Variants in UBE3A observed in about 807,000 individuals in gnomAD.
The protein encoded by UBE3A is ubiquitin-protein ligase E3A.
Under a neutral mutation model 83.4 loss-of-function variants are expected in UBE3A, and 6 were observed. The observed-to-expected ratio is 0.07, with a 90% CI of 0.04 to 0.14. The LOEUF (loss-of-function observed/expected upper bound fraction) is 0.14, where lower values mean the gene tolerates loss of function less well. Ranked by LOEUF, UBE3A falls within the 10% of genes least tolerant of loss-of-function variation. The pLI, the probability that UBE3A is intolerant of heterozygous loss-of-function variation, is 1.00. For missense variants in UBE3A, 456 were observed against 1,036.1 expected (o/e 0.44, Z 7.69); for synonymous variants, 337 against 355.4 (o/e 0.95, Z 0.58).
At chr15:25,413,898 A>G (rs530660777) in intron 1 of UBE3A, among the ~76,000 whole-genome samples, 2 of 152,200 alleles carry the variant, frequency 1.3e-5, no homozygotes, top group African/African-American at 2.4e-5. Flanking sequence ...TCTAAAGGCA[A>G]TAAGGTCTTC....
In UBE3A at chr15:25,409,095, A is replaced by T. The variant is rs1417484968; in HGVS notation, c.13T>A (p.Cys5Ser). The change falls in exon 3 of 13, where the codon TGT (cysteine) becomes AGT (serine). Residue 5 changes from cysteine (C) to serine (S), a missense_variant. By Grantham distance (112) the Cys-to-Ser change is moderately radical. Coordinates refer to ENST00000648336, the MANE Select transcript of UBE3A (RefSeq NM_130839.5). MATA[C>S]KRSGEPQSDD... ...AAAATAATTCAAAATTACCTTTTAC[A>T]AGCTGTGGCCATTCGGTGACATCAG... 2 of 1,593,014 alleles carry T rather than the reference A, an allele frequency of 1.3e-6. No individual in the cohort carries two copies. The highest frequency in any genetic ancestry group is 1.3e-5 in the African/African-American group (1 of 74,726).
Position 25,338,197 on chromosome 15 carries a change from A to T in UBE3A, c.*940T>A, listed in dbSNP as rs1445757042. 3 of 152,134 alleles carry T rather than the reference A, an allele frequency of 2.0e-5. No individual in the cohort carries two copies. The highest frequency in any genetic ancestry group is 4.1e-4 in the South Asian group (2 of 4,826). 9.4% of individuals were successfully genotyped at this position (152,134 alleles called of 1,614,324 possible). On this transcript the variant is annotated 3_prime_UTR_variant, in exon 13 of 13. Transcript: ENST00000648336. The stretch of plus-strand genomic sequence containing the variant: ...AAGTAATTAATAAAAACTCTATCTT[A>T]AGTGCACTTTCACATGCTTTTTGTT...
chr15:25,358,734 G>T (rs2077590416), intron 7 of UBE3A, among the ~76,000 whole-genome samples: 1 of 152,130 alleles, frequency 6.6e-6, no homozygotes, highest in Admixed American at 6.6e-5. Flanking sequence ...ATCACTAGGA[G>T]TATGAATTAA....
chr15:25,392,365 A>C (rs766022896), intron 4 of UBE3A, among the ~76,000 whole-genome samples: 4 of 152,110 alleles, frequency 2.6e-5, no homozygotes, highest in Non-Finnish European at 5.9e-5. Context: ...TTTTTCAGAG[A>C]CTTCCCTTCC....
chr15:25,367,988 G>A (rs571366422), intron 6 of UBE3A, among the ~76,000 whole-genome samples: 11 of 152,084 alleles, frequency 7.2e-5, no homozygotes, highest in African/African-American at 2.2e-4. Flanking sequence ...TAAAGCCTAG[G>A]ATCCCATAAT....
chr15:25,357,015 G>C lies in UBE3A; in HGVS notation c.1754-119C>G, dbSNP rs1051848662. On this transcript the variant is annotated intron_variant, in intron 7 of 12. Coordinates refer to ENST00000648336, the MANE Select transcript of UBE3A (RefSeq NM_130839.5). ...AAAACATTTAAAATATATGTAATTA[G>C]GCATGCAACATTGATTTCTATTATA... is the stretch of plus-strand genomic sequence containing the variant. 38 of 822,502 alleles carry C rather than the reference G, an allele frequency of 4.6e-5. No homozygotes were observed. In the East Asian group the frequency reaches 1.0e-3, roughly 23 times the overall value. 51.0% of individuals were successfully genotyped at this position (822,502 alleles called of 1,614,324 possible).
In UBE3A at chr15:25,338,101, C is replaced by CTGAT. The variant is rs1284548528; in HGVS notation, c.*1032_*1035dup. 3 of 152,046 alleles carry CTGAT rather than the reference C, an allele frequency of 2.0e-5. No homozygotes were observed. Among genetic ancestry groups the CTGAT allele is most frequent in the African/African-American group, 7.2e-5 (3 of 41,392 alleles). 9.4% of individuals were successfully genotyped at this position (152,046 alleles called of 1,614,324 possible). A position where few individuals can be genotyped will look rare whatever the true frequency, so the allele number is the denominator to read the frequency against. Reference sequence around the variant, plus strand: ...CTGATCACGTGCCTCGATAAAATGGCTGATTCAACAAGATGATGGCAACAC... The same window carrying CTGAT: ...CTGATCACGTGCCTCGATAAAATGGCTGATTGATTCAACAAGATGATGGCAACAC... On this transcript the variant is annotated 3_prime_UTR_variant, in exon 13 of 13. Transcript: ENST00000648336.
At chr15:25,385,234 A>G (rs959771235) in intron 4 of UBE3A, among the ~76,000 whole-genome samples, 1 of 152,218 alleles carries the variant, frequency 6.6e-6, no homozygotes, top group African/African-American at 2.4e-5. Context: ...GAATATATAA[A>G]TAACTCCTAC....
At chr15:25,363,851 GATTACC>G (rs2078547533) in intron 6 of UBE3A, among the ~76,000 whole-genome samples, 1 of 151,770 alleles carries the variant, frequency 6.6e-6, no homozygotes, top group Admixed American at 6.6e-5. Flanking sequence ...ACCTATTTTA[GATTACC>G]ATTCTGGTAC....
chr15:25,378,832 T>A (rs1373282680), intron 4 of UBE3A, among the ~76,000 whole-genome samples: 1 of 152,174 alleles, frequency 6.6e-6, no homozygotes, highest in African/African-American at 2.4e-5. Flanking sequence ...CATTTATGCA[T>A]CTATCTGGTA....
chr15:25,403,026 C>T lies in UBE3A; in HGVS notation c.62+2435G>A, dbSNP rs370266383. On this transcript the variant is annotated intron_variant, in intron 4 of 12. Transcript: ENST00000648336. ...CATCCACAGCATATAAATTCAAATA[C>T]TCCAATGTTAACATCTTATGCACAT... 2.5e-4 allele frequency among the ~76,000 whole-genome samples: 38 copies of T among 152,346 alleles called. 3 individuals carry two copies. The highest frequency in any genetic ancestry group is 1.9e-3 in the South Asian group (9 of 4,830).
chr15:25,392,407 C>T (rs1047531230), intron 4 of UBE3A, among the ~76,000 whole-genome samples: 5 of 152,138 alleles, frequency 3.3e-5, no homozygotes, highest in African/African-American at 4.8e-5. Flanking sequence ...CTCCAGGGAT[C>T]AGCTATTAGA....
At chr15:25,436,003 G>T (rs145796960) in intron 1 of UBE3A, among the ~76,000 whole-genome samples, 31 of 152,280 alleles carry the variant, frequency 2.0e-4, no homozygotes, top group African/African-American at 7.2e-4. Flanking sequence ...CTCTGGGGAA[G>T]TTTCACCAAC....
In UBE3A at chr15:25,337,311, A is replaced by C. The variant is rs1021397613; in HGVS notation, c.*1826T>G. 1 of 152,170 alleles carries C rather than the reference A, an allele frequency of 6.6e-6. No homozygotes were observed. The highest frequency in any genetic ancestry group is 1.5e-5 in the Non-Finnish European group (1 of 68,012). The allele number at this position is 152,170 out of a possible 1,614,324, so 9.4% of individuals were successfully genotyped here. ...TTTAATTTCTCCTCACTTTAATTAC[A>C]CATTAAGAAGCACAGTGGATGAGAA... On this transcript the variant is annotated 3_prime_UTR_variant, in exon 13 of 13. Transcript: ENST00000648336.
chr15:25,438,616 C>A lies in UBE3A; in HGVS notation c.-292G>T. On this transcript the variant is annotated 5_prime_UTR_variant, in exon 1 of 13. Transcript: ENST00000648336. ...GCCACCGCCGGGGCTCATGCGGGAC[C>A]CGCGCTTCCTTATCCGGAAAACGAG... 1 of 153,130 alleles carries A rather than the reference C, an allele frequency of 6.5e-6. No homozygotes were observed. The highest frequency in any genetic ancestry group is 1.8e-4 in the South Asian group (1 of 5,422). 9.5% of individuals were successfully genotyped at this position (153,130 alleles called of 1,614,324 possible).
At chr15:25,374,347 C>G (rs992607599) in intron 5 of UBE3A, 1 of 152,352 alleles carries the variant, frequency 6.6e-6, no homozygotes, top group Non-Finnish European at 1.5e-5. Flanking sequence ...ACATCCCCCG[C>G]AGCTGGCTGC....
At chr15:25,383,780 T>C (rs2082611192) in intron 4 of UBE3A, among the ~76,000 whole-genome samples, 2 of 152,280 alleles carry the variant, frequency 1.3e-5, no homozygotes, top group Middle Eastern at 3.4e-3. Context: ...AGATCACAAA[T>C]GGAACAAGAA....
Position 25,339,233 on chromosome 15 carries a change from A to G in UBE3A, c.2523T>C (p.Phe841=). The change falls in exon 13 of 13, where the codon TTT becomes TTC. Residue 841 remains phenylalanine (F), a synonymous_variant. Transcript: ENST00000648336. The part of the protein sequence containing the change: ...TERLPTSHTC[F]NVLLLPEYSS... ...AGTATTCCGGAAGTAAAAGCACATT[A>G]AAGCAAGTATGAGATGTAGGTAACC... 6.2e-7 allele frequency: 1 copy of G among 1,613,060 alleles called. No homozygotes were observed. Among genetic ancestry groups the G allele is most frequent in the South Asian group, 1.1e-5 (1 of 91,042 alleles).
At chr15:25,379,756 T>G (rs1236879886) in intron 4 of UBE3A, among the ~76,000 whole-genome samples, 1 of 152,174 alleles carries the variant, frequency 6.6e-6, no homozygotes, top group South Asian at 2.1e-4. Flanking sequence ...TCATAGCTCG[T>G]AAGTCAAATC....
Sources: allele counts gnomAD v4.1 joint callset (sites outside exome capture counted in the v4.1 genomes callset), GRCh38; gene constraint gnomAD v4.1.1; transcripts MANE v1.5; gene names NCBI Gene and HGNC (gene_info 2026-07-23, HGNC 2026-07-21).